Variants in SCLT1 observed in about 807,000 individuals in gnomAD.
The protein encoded by SCLT1 is sodium channel-associated protein 1.
A neutral mutation model predicts 112.8 loss-of-function variants in SCLT1; 78 were observed. That is an observed-to-expected ratio of 0.69 (90% CI 0.58 to 0.83). SCLT1 has a LOEUF of 0.83. Among genes scored for constraint, SCLT1 ranks in the 40% least tolerant of loss-of-function variants. The pLI is 0.00. For synonymous variants in SCLT1, 257 were observed against 254.7 expected (o/e 1.01, Z -0.09); for missense variants, 747 against 770.4 (o/e 0.97, Z 0.36).
At chr4:128,957,156 A>G in intron 12 of SCLT1, 32 bp from the exon 13 acceptor site, 2 of 1,293,872 alleles carry the variant, frequency 1.5e-6, no homozygotes, top group Non-Finnish European at 1.1e-6. Flanking sequence ...TGTTATAGAT[A>G]ACATTATTAT....
chr4:128,923,521 GC>G lies in SCLT1; in HGVS notation c.1829+13133del, dbSNP rs551586742. ...TTCCCTCTTCCCTTTTGTAGTCACT[GC>G]CCCACCCCTCAAATCCCAGTCCTAG... is the stretch of plus-strand genomic sequence containing the variant. On this transcript the variant is annotated intron_variant, in intron 18 of 20. Transcript: ENST00000281142. Among the ~76,000 whole-genome samples, 7 of 150,100 alleles carry G rather than the reference GC, an allele frequency of 4.7e-5. 1 individual carries two copies. The highest frequency in any genetic ancestry group is 4.7e-4 in the Admixed American group (7 of 15,044).
intron 18 of SCLT1, among the ~76,000 whole-genome samples, chr4:128,912,772 G>A (rs758155393): frequency 6.6e-6 from 1 of 151,450 alleles, no homozygotes; most frequent in Non-Finnish European, 1.5e-5. Flanking sequence ...TAGAGACAGG[G>A]TCTCAATGTG....
Position 129,057,627 on chromosome 4 carries a change from T to C in SCLT1, c.103-13576A>G, listed in dbSNP as rs569425082. Among the ~76,000 whole-genome samples the C allele has an allele frequency of 1.3e-4, 20 of 151,972 alleles. No individual in the cohort carries two copies. In the South Asian group the frequency reaches 2.1e-3, roughly 16 times the overall value. On this transcript the variant is annotated intron_variant, in intron 2 of 20. Transcript: ENST00000281142. ...TTCTCATAATTGGTCTGTTCAGGTTTTCTATTTCTTCTACATTTAATCTTG... is the reference window on the plus strand; with the variant it reads ...TTCTCATAATTGGTCTGTTCAGGTTCTCTATTTCTTCTACATTTAATCTTG...
chr4:129,069,969 G>A (rs559342235), intron 2 of SCLT1, among the ~76,000 whole-genome samples: 2 of 152,190 alleles, frequency 1.3e-5, no homozygotes, highest in South Asian at 4.1e-4. Context: ...CTAAAGGGGT[G>A]CCAGACTTTG....
intron 18 of SCLT1, among the ~76,000 whole-genome samples, chr4:128,921,369 C>A (rs534688032): frequency 1.1e-4 from 8 of 69,584 alleles, no homozygotes; most frequent in African/African-American, 4.5e-4. Flanking sequence ...GCAAAAAGAA[C>A]AAACTGGAGG....
At chr4:129,058,926 T>A (rs1749699624) in intron 2 of SCLT1, among the ~76,000 whole-genome samples, 1 of 152,060 alleles carries the variant, frequency 6.6e-6, no homozygotes, top group Non-Finnish European at 1.5e-5. Flanking sequence ...TATGCTCTGG[T>A]GTTGGGTGTA....
chr4:128,928,465 T>C (rs1736481039), intron 18 of SCLT1, among the ~76,000 whole-genome samples: 1 of 152,138 alleles, frequency 6.6e-6, no homozygotes, highest in South Asian at 2.1e-4. Context: ...GCAAAATCAA[T>C]CCATAAAATT....
At chr4:128,885,483 T>C (rs1732824420) in intron 20 of SCLT1, among the ~76,000 whole-genome samples, 3 of 152,350 alleles carry the variant, frequency 2.0e-5, no homozygotes, top group African/African-American at 7.2e-5. Context: ...TAATCTACCT[T>C]AGAAATAGCT....
intron 5 of SCLT1, among the ~76,000 whole-genome samples, chr4:129,023,666 G>A (rs541145678): frequency 6.6e-6 from 1 of 152,332 alleles, no homozygotes; most frequent in South Asian, 2.1e-4. Flanking sequence ...CATCTCACTA[G>A]GGGGTGCCAG....
chr4:129,002,576 TAAAC>T (rs1422421301), intron 6 of SCLT1, among the ~76,000 whole-genome samples: 1 of 151,802 alleles, frequency 6.6e-6, no homozygotes, highest in African/African-American at 2.4e-5. Flanking sequence ...ACAAAGAACT[TAAAC>T]AAATTTACAA....
intron 12 of SCLT1, 34 bp from the exon 13 acceptor site, chr4:128,957,158 C>T: frequency 7.9e-7 from 1 of 1,271,922 alleles, no homozygotes; most frequent in Middle Eastern, 2.0e-4. Flanking sequence ...TTATAGATAA[C>T]ATTATTATTA....
At chr4:128,981,514 C>A (rs1199432737) in intron 9 of SCLT1, among the ~76,000 whole-genome samples, 1 of 152,076 alleles carries the variant, frequency 6.6e-6, no homozygotes, top group Admixed American at 6.5e-5. Flanking sequence ...TTTCTGACAG[C>A]CGGATGGCCC....
intron 9 of SCLT1, among the ~76,000 whole-genome samples, chr4:128,976,690 T>C (rs1741203725): frequency 6.6e-6 from 1 of 152,206 alleles, no homozygotes; most frequent in Non-Finnish European, 1.5e-5. Context: ...TAAAACATTA[T>C]GATTCTGAGT....
chr4:128,958,623 G>A (rs1579505626), intron 12 of SCLT1, among the ~76,000 whole-genome samples: 2 of 152,230 alleles, frequency 1.3e-5, no homozygotes, highest in African/African-American at 4.8e-5. Flanking sequence ...GCTTCAGAGG[G>A]TAGAGATAAA....
chr4:129,000,505 T>C (rs957838517), intron 6 of SCLT1, among the ~76,000 whole-genome samples: 8 of 152,024 alleles, frequency 5.3e-5, no homozygotes, highest in Non-Finnish European at 1.2e-4. Flanking sequence ...AAGTCAAATT[T>C]ATCTTCAGAA....
intron 2 of SCLT1, among the ~76,000 whole-genome samples, chr4:129,054,909 T>C (rs971773639): frequency 5.9e-5 from 9 of 152,230 alleles, no homozygotes; most frequent in African/African-American, 2.2e-4. Context: ...GTGGATTTGA[T>C]CTTTGAGGCT....
chr4:128,885,959 C>T (rs1732861374), intron 20 of SCLT1, among the ~76,000 whole-genome samples: 1 of 151,464 alleles, frequency 6.6e-6, no homozygotes, highest in African/African-American at 2.4e-5. Context: ...CGGACTGTGG[C>T]ATTTTTTGAA....
downstream of SCLT1, among the ~76,000 whole-genome samples, chr4:128,883,157 CAAAAAAA>C (rs34993678): frequency 1.7e-5 from 1 of 57,704 alleles, no homozygotes. Flanking sequence ...ACAACAACAA[CAAAAAAA>C]AAAAAAAAAA....
At chr4:129,044,102 A>G (rs575768033) in intron 2 of SCLT1, 51 bp from the exon 3 acceptor site, 23 of 887,876 alleles carry the variant, frequency 2.6e-5, no homozygotes, top group Non-Finnish European at 3.8e-5. Context: ...TTCTAGCCAA[A>G]ATTGATAGTG....
Sources: allele counts gnomAD v4.1 joint callset (sites outside exome capture counted in the v4.1 genomes callset), GRCh38; gene constraint gnomAD v4.1.1; transcripts MANE v1.5; gene names NCBI Gene and HGNC (gene_info 2026-07-23, HGNC 2026-07-21).